Variants in TMEM268 observed in about 807,000 individuals in gnomAD.
The protein encoded by TMEM268 is transmembrane protein C9orf91.
TMEM268 carries 24 observed loss-of-function variants against 39.1 expected under a neutral mutation model. The observed-to-expected ratio is 0.61, with a 90% confidence interval of 0.44 to 0.86. TMEM268 has a LOEUF of 0.86. TMEM268 is among the 40% of genes least tolerant of loss of function. TMEM268 has a pLI of 0.00. For synonymous variants in TMEM268, 176 were observed against 173.5 expected, an observed-to-expected ratio of 1.01 and a Z score of -0.12; for missense variants, 409 against 428.6, an observed-to-expected ratio of 0.95 and a Z score of 0.40.
In TMEM268 at chr9:114,643,338, C is replaced by A; in HGVS notation, c.*25C>A. 6.2e-7 allele frequency: 1 copy of A among 1,610,384 alleles called. No homozygotes were observed. Among genetic ancestry groups the A allele is most frequent in the Non-Finnish European group, 8.5e-7 (1 of 1,176,872 alleles). ...ACCTAGGGATGAAGGTACTCATCTT[C>A]CTTCAAGACTGAGCAGTCAGGAAGG... On this transcript the variant is annotated 3_prime_UTR_variant, in exon 9 of 9. Transcript: ENST00000288502.
chr9:114,627,604 AG>A (rs532675668), intron 4 of TMEM268, among the ~76,000 whole-genome samples: 35 of 152,226 alleles, frequency 2.3e-4, no homozygotes, highest in Admixed American at 9.2e-4. Context: ...TCCCACTTCT[AG>A]GGAGAAGGGA....
intron 5 of TMEM268, among the ~76,000 whole-genome samples, chr9:114,633,278 C>T (rs761076704): frequency 6.6e-6 from 1 of 151,870 alleles, no homozygotes; most frequent in Non-Finnish European, 1.5e-5. Flanking sequence ...TCTCCTGTCT[C>T]AGCCTCCCGA....
chr9:114,624,249 G>T lies in TMEM268; in HGVS notation c.107-101G>T, dbSNP rs1846061996. ...CCGTGTCCCTCCTTGTTGCGAGGAG[G>T]TTCTCATGGCCAGAGGTGTGATGCC... is the stretch of plus-strand genomic sequence containing the variant. On this transcript the variant is annotated intron_variant, in intron 2 of 8. Coordinates refer to ENST00000288502, the MANE Select transcript of TMEM268 (RefSeq NM_153045.4). 3.3e-6 allele frequency: 5 copies of T among 1,510,680 alleles called. No homozygotes were observed. In the South Asian group the frequency reaches 5.0e-5, roughly 15 times the overall value. 93.6% of individuals were successfully genotyped at this position (1,510,680 alleles called of 1,614,324 possible). A position where few individuals can be genotyped will look rare whatever the true frequency, so the allele number is the denominator to read the frequency against.
intron 2 of TMEM268, among the ~76,000 whole-genome samples, chr9:114,620,684 TAGC>T (rs1364134674): frequency 1.3e-5 from 2 of 152,188 alleles, no homozygotes; most frequent in African/African-American, 2.4e-5. Flanking sequence ...ATTATGAAAA[TAGC>T]AGCCAGTTAT....
intron 5 of TMEM268, among the ~76,000 whole-genome samples, chr9:114,630,292 A>ATCCATCCC: frequency 6.6e-6 from 1 of 151,926 alleles, no homozygotes. Context: ...CCATCCATCC[A>ATCCATCCC]TCCATCCATC....
At chr9:114,622,088 T>C in intron 2 of TMEM268, 1 of 985,246 alleles carries the variant, frequency 1.0e-6, no homozygotes. Flanking sequence ...GACAGATGTT[T>C]TGTTTGCCTA....
intron 2 of TMEM268, chr9:114,622,167 T>C: frequency 1.0e-6 from 1 of 985,378 alleles, no homozygotes; most frequent in Non-Finnish European, 1.2e-6. Context: ...AGGAATTTCC[T>C]GGAAAGTGGA....
At position 114,643,589 on chromosome 9, in the gene TMEM268, G is replaced by A; in HGVS notation, c.*276G>A. 2.6e-6 allele frequency: 1 copy of A among 379,326 alleles called. No individual in the cohort carries two copies. The highest frequency in any genetic ancestry group is 4.8e-6 in the Non-Finnish European group (1 of 206,752). The allele number at this position is 379,326 out of a possible 1,614,324, so 23.5% of individuals were successfully genotyped here. A position where few individuals can be genotyped will look rare whatever the true frequency, so the allele number is the denominator to read the frequency against. On this transcript the variant is annotated 3_prime_UTR_variant, in exon 9 of 9. Coordinates refer to ENST00000288502, the MANE Select transcript of TMEM268 (RefSeq NM_153045.4). ...GCTACTCTCTCTGCTGCTTAGAACT[G>A]TGGACACGTATGGAAAGACTGGACC... is the stretch of plus-strand genomic sequence containing the variant.
intron 5 of TMEM268, among the ~76,000 whole-genome samples, chr9:114,633,526 T>C (rs562947544): frequency 6.6e-6 from 1 of 152,244 alleles, no homozygotes; most frequent in East Asian, 1.9e-4. Context: ...CAGGCTGGCC[T>C]CAAACCCCTG....
chr9:114,639,741 A>T (rs1846807624), intron 8 of TMEM268, among the ~76,000 whole-genome samples: 1 of 150,980 alleles, frequency 6.6e-6, no homozygotes, highest in African/African-American at 2.4e-5. Flanking sequence ...AAATGACAGG[A>T]ACATGCGGTG....
In TMEM268 at chr9:114,626,897, A is replaced by T; in HGVS notation, c.217-2A>T. The T allele has an allele frequency of 6.3e-7, 1 of 1,599,642 alleles. No homozygotes were observed. The highest frequency in any genetic ancestry group is 2.2e-5 in the East Asian group (1 of 44,566). ...TGATCTCTTTCCCTGGGTTCCAAGC[A>T]GGTCCCGGCTGACCAGTACAGGAGC... is the stretch of plus-strand genomic sequence containing the variant. On this transcript the variant is annotated splice_acceptor_variant, in intron 3 of 8. Transcript: ENST00000288502. LOFTEE classifies it high-confidence loss of function.
intron 8 of TMEM268, among the ~76,000 whole-genome samples, chr9:114,639,714 G>A (rs2133713493): frequency 6.6e-6 from 1 of 151,578 alleles, no homozygotes; most frequent in South Asian, 2.1e-4. Context: ...CCTGCAAGTA[G>A]TACTATTTAA....
intron 3 of TMEM268, among the ~76,000 whole-genome samples, chr9:114,625,358 G>T (rs1331257086): frequency 6.6e-6 from 1 of 151,974 alleles, no homozygotes; most frequent in Non-Finnish European, 1.5e-5. Flanking sequence ...TGCTAGCCAA[G>T]GCCAAGGAGG....
chr9:114,623,846 T>G (rs1846043095), intron 2 of TMEM268, among the ~76,000 whole-genome samples: 2 of 152,208 alleles, frequency 1.3e-5, no homozygotes, highest in South Asian at 4.1e-4. Flanking sequence ...CTCTGGGGAT[T>G]AGGGTGTGGA....
intron 1 of TMEM268, among the ~76,000 whole-genome samples, chr9:114,616,610 C>T (rs369847407): frequency 1.2e-3 from 181 of 151,454 alleles, no homozygotes; most frequent in African/African-American, 4.2e-3. Context: ...AGGTGATCCA[C>T]CCACCTCAGC....
chr9:114,605,380 CTTAAGAGGCA>C, the TMEM268 span, among the ~76,000 whole-genome samples: 34 of 151,210 alleles, frequency 2.2e-4, no homozygotes, highest in Admixed American at 1.9e-3. Flanking sequence ...ATACATGGGT[CTTAAGAGGCA>C]GGTTAAGCAC....
Position 114,637,043 on chromosome 9 carries a change from T to C in TMEM268, c.639T>C (p.His213=). ...ACTGTGTGCAGTTTTTGTCTGATCA[T>C]GTTCAAGAAATGAAGACTAGCCAAG... ...LENCVQFLSD[H]VQEMKTSQES... The change falls in exon 7 of 9, where the codon CAT becomes CAC. Residue 213 remains histidine (H), a synonymous_variant. Transcript: ENST00000288502. 1 of 1,612,886 alleles carries C rather than the reference T, an allele frequency of 6.2e-7. No individual in the cohort carries two copies. The highest frequency in any genetic ancestry group is 1.6e-4 in the Middle Eastern group (1 of 6,062).
upstream of TMEM268, among the ~76,000 whole-genome samples, chr9:114,609,685 C>T (rs138756797): frequency 0.012 from 1,091 of 88,210 alleles, 11 homozygotes; most frequent in African/African-American, 0.041. Flanking sequence ...GTGACCCTGT[C>T]TCAGAAAAAG....
Position 114,627,017 on chromosome 9 carries a change from G to A in TMEM268, c.324+11G>A. On this transcript the variant is annotated intron_variant, in intron 4 of 8. Coordinates refer to ENST00000288502, the MANE Select transcript of TMEM268 (RefSeq NM_153045.4). The stretch of plus-strand genomic sequence containing the variant: ...CTGGCCTTTGCTGTGGTAAGGGGGA[G>A]GTGGCCCGCACACTGACCCTGCCCT... 1 of 1,581,720 alleles carries A rather than the reference G, an allele frequency of 6.3e-7. No individual in the cohort carries two copies. The highest frequency in any genetic ancestry group is 8.7e-7 in the Non-Finnish European group (1 of 1,151,378).
Sources: gnomAD v4.1 joint callset for allele counts (sites outside exome capture counted in the v4.1 genomes callset) on GRCh38, gnomAD v4.1.1 for gene constraint, MANE v1.5 for transcripts, NCBI Gene and HGNC (gene_info 2026-07-23, HGNC 2026-07-21) for gene names.